The following FMN1 variants were observed in gnomAD, a reference collection of about 807,000 sequenced individuals.
FMN1 encodes formin-1.
FMN1 carries 110 observed loss-of-function variants against 132.4 expected under a neutral mutation model. The observed-to-expected ratio is 0.83, with a 90% CI of 0.71 to 0.97. The LOEUF (loss-of-function observed/expected upper bound fraction) is 0.97, where lower values mean the gene tolerates loss of function less well. FMN1 is among the 50% of genes least tolerant of loss of function. The probability of loss-of-function intolerance (pLI) is 0.00; values close to 1 mark genes in which losing one functional copy is unlikely to be tolerated. For missense variants in FMN1, 1,792 were observed against 1,705.3 expected (o/e 1.05, Z -0.90); for synonymous variants, 722 against 651.7 (o/e 1.11, Z -1.64).
chr15:32,788,915 T>A (rs546342418), intron 19 of FMN1, among the ~76,000 whole-genome samples: 11 of 152,344 alleles, frequency 7.2e-5, no homozygotes, highest in African/African-American at 2.6e-4. Flanking sequence ...GTTCTGAACA[T>A]GTCTATTCTC....
intron 19 of FMN1, among the ~76,000 whole-genome samples, chr15:32,792,396 A>T (rs932410908): frequency 1.3e-5 from 2 of 151,882 alleles, no homozygotes; most frequent in African/African-American, 4.8e-5. Context: ...AGTGAGCCGA[A>T]ATCGCGCCAC....
intron 6 of FMN1, among the ~76,000 whole-genome samples, chr15:33,018,788 T>G (rs549367011): frequency 6.6e-6 from 1 of 152,288 alleles, no homozygotes; most frequent in South Asian, 2.1e-4. Flanking sequence ...TCCCTTCTGG[T>G]GGGCTGGTGG....
rs569934227 is a variant in FMN1 at position 32,770,802 on chromosome 15, G to T, written c.*3508C>A. On this transcript the variant is annotated 3_prime_UTR_variant, in exon 21 of 21. Coordinates refer to ENST00000616417, the MANE Select transcript of FMN1 (RefSeq NM_001277313.2). ...TTTAAAAGTGTAATAGCTCCACTGG[G>T]TTTCCTTATTCCACTTCTCAGATTT... 6.6e-6 allele frequency: 1 copy of T among 152,034 alleles called. No homozygotes were observed. Among genetic ancestry groups the T allele is most frequent in the East Asian group, 2.0e-4 (1 of 5,124 alleles). 9.4% of individuals were successfully genotyped at this position (152,034 alleles called of 1,614,324 possible).
At chr15:33,066,394 CTT>C in intron 5 of FMN1, 1 of 898,644 alleles carries the variant, frequency 1.1e-6, no homozygotes, top group Non-Finnish European at 1.7e-6. Flanking sequence ...GACTATAATC[CTT>C]TTTCAACTAA....
chr15:32,897,008 C>T (rs1229032491), intron 15 of FMN1, among the ~76,000 whole-genome samples: 1 of 152,128 alleles, frequency 6.6e-6, no homozygotes, highest in East Asian at 1.9e-4. Context: ...ATAGCAGCTC[C>T]ACCATTTTAT....
At chr15:33,193,546 A>T (rs977250831) in intron 2 of FMN1, among the ~76,000 whole-genome samples, 34 of 152,146 alleles carry the variant, frequency 2.2e-4, no homozygotes, top group African/African-American at 8.0e-4. Flanking sequence ...GCAGAAAGTC[A>T]GGTTGTCTGC....
At chr15:33,014,624 G>A (rs907868168) in intron 6 of FMN1, among the ~76,000 whole-genome samples, 1 of 152,150 alleles carries the variant, frequency 6.6e-6, no homozygotes, top group Non-Finnish European at 1.5e-5. Context: ...CTAACTGGCA[G>A]GATTCAACAT....
intron 10 of FMN1, among the ~76,000 whole-genome samples, chr15:32,921,035 G>GTC (rs1491123205): frequency 6.6e-6 from 1 of 152,174 alleles, no homozygotes; most frequent in Admixed American, 6.5e-5. Flanking sequence ...TCAGTGAGCA[G>GTC]TCTCCTTCTC....
At chr15:32,849,287 G>A (rs564655064) in intron 17 of FMN1, among the ~76,000 whole-genome samples, 4 of 151,612 alleles carry the variant, frequency 2.6e-5, no homozygotes, top group East Asian at 1.9e-4. Flanking sequence ...CACCGCGCCC[G>A]GCCAGTCTTA....
intron 7 of FMN1, among the ~76,000 whole-genome samples, chr15:33,001,070 G>T (rs2034074495): frequency 6.6e-6 from 1 of 152,188 alleles, no homozygotes; most frequent in Non-Finnish European, 1.5e-5. Flanking sequence ...ATCACTTGTG[G>T]TCAGGAGTTC....
intron 16 of FMN1, among the ~76,000 whole-genome samples, chr15:32,883,638 G>A (rs2059825787): frequency 6.6e-6 from 1 of 151,106 alleles, no homozygotes; most frequent in Non-Finnish European, 1.5e-5. Flanking sequence ...ACTCCTGCAG[G>A]CAGGACCCAG....
intron 12 of FMN1, among the ~76,000 whole-genome samples, chr15:32,905,856 T>A (rs886448399): frequency 7.9e-5 from 12 of 151,702 alleles, no homozygotes; most frequent in African/African-American, 2.9e-4. Flanking sequence ...GTGCAGGAGG[T>A]TGGTAGCAAA....
chr15:33,067,771 T>A (rs939459118), intron 5 of FMN1: 5 of 1,613,962 alleles, frequency 3.1e-6, no homozygotes, highest in Non-Finnish European at 4.2e-6. Context: ...TAAACCCAAA[T>A]AGGGATTTCA....
intron 6 of FMN1, among the ~76,000 whole-genome samples, chr15:33,024,301 C>T (rs1223269442): frequency 7.6e-6 from 1 of 131,464 alleles, no homozygotes; most frequent in African/African-American, 2.9e-5. Flanking sequence ...GGCTGGAGTG[C>T]AGTGACGTGA....
At chr15:32,948,697 T>C (rs994820411) in intron 9 of FMN1, among the ~76,000 whole-genome samples, 4 of 152,046 alleles carry the variant, frequency 2.6e-5, no homozygotes, top group African/African-American at 4.8e-5. Flanking sequence ...ATTGCATCTG[T>C]AGTTACATTC....
At chr15:32,948,116 T>C in intron 9 of FMN1, among the ~76,000 whole-genome samples, 1 of 151,982 alleles carries the variant, frequency 6.6e-6, no homozygotes, top group East Asian at 1.9e-4. Context: ...TCCCTTACAA[T>C]CTTAGTTACA....
At chr15:33,002,023 C>T (rs1037589358) in intron 7 of FMN1, among the ~76,000 whole-genome samples, 10 of 152,118 alleles carry the variant, frequency 6.6e-5, no homozygotes, top group Admixed American at 2.0e-4. Flanking sequence ...AGTGATTTCC[C>T]TTCAAGTGTA....
intron 4 of FMN1, chr15:33,150,396 C>A: frequency 1.0e-6 from 1 of 985,394 alleles, no homozygotes; most frequent in Non-Finnish European, 1.2e-6. Context: ...TGGGAGGAGG[C>A]AGGAGAAGAA....
At chr15:32,896,432 CA>C (rs371852500) in intron 15 of FMN1, among the ~76,000 whole-genome samples, 5 of 151,706 alleles carry the variant, frequency 3.3e-5, no homozygotes, top group Admixed American at 6.6e-5. Flanking sequence ...AAAAAACAAA[CA>C]AAAAAAACCC....
Sources: gnomAD v4.1 joint callset for allele counts (sites outside exome capture counted in the v4.1 genomes callset) on GRCh38, gnomAD v4.1.1 for gene constraint, MANE v1.5 for transcripts, NCBI Gene and HGNC (gene_info 2026-07-23, HGNC 2026-07-21) for gene names.